Variants in RCAN2 observed in about 807,000 individuals in gnomAD.
RCAN2 encodes calcipressin-2.
In RCAN2, 9 loss-of-function variants were observed where a neutral mutation model predicts 23.6. The ratio of observed to expected loss-of-function variants is 0.38; its 90% CI spans 0.23 to 0.67. The LOEUF is 0.67. Ranked by LOEUF, RCAN2 falls within the 30% of genes least tolerant of loss-of-function variation. The pLI is 0.51. For synonymous variants in RCAN2, 109 were observed against 115.7 expected, an observed-to-expected ratio of 0.94 and a Z score of 0.37; for missense variants, 273 against 302.3, an observed-to-expected ratio of 0.90 and a Z score of 0.72.
intron 2 of RCAN2, among the ~76,000 whole-genome samples, chr6:46,439,066 A>G (rs1767453707): frequency 6.6e-6 from 1 of 152,200 alleles, no homozygotes; most frequent in African/African-American, 2.4e-5. Context: ...ATCAGAAAAC[A>G]GCCTTTAGGT....
At chr6:46,473,384 T>A (rs1768622850) in intron 1 of RCAN2, among the ~76,000 whole-genome samples, 1 of 152,140 alleles carries the variant, frequency 6.6e-6, no homozygotes, top group African/African-American at 2.4e-5. Context: ...ATACCTAGCA[T>A]ATAATAGGCA....
At chr6:46,413,877 A>G (rs1017728498) in intron 2 of RCAN2, among the ~76,000 whole-genome samples, 1 of 152,204 alleles carries the variant, frequency 6.6e-6, no homozygotes, top group African/African-American at 2.4e-5. Flanking sequence ...GGATGGAGTC[A>G]GGAATGGGAC....
intron 2 of RCAN2, among the ~76,000 whole-genome samples, chr6:46,365,989 A>C (rs1298436497): frequency 6.6e-6 from 1 of 152,190 alleles, no homozygotes; most frequent in Admixed American, 6.5e-5. Context: ...TCCCCAGTTT[A>C]TGGATGAGGA....
chr6:46,470,077 G>C (rs1011166678), intron 1 of RCAN2, among the ~76,000 whole-genome samples: 1 of 152,144 alleles, frequency 6.6e-6, no homozygotes, highest in Middle Eastern at 3.2e-3. Flanking sequence ...AATTGCCTCA[G>C]ATATTTTAAA....
intron 2 of RCAN2, among the ~76,000 whole-genome samples, chr6:46,366,257 T>C (rs1765167540): frequency 1.3e-5 from 2 of 152,226 alleles, no homozygotes; most frequent in South Asian, 2.1e-4. Flanking sequence ...CCCACTTTCA[T>C]GTACTCTGAA....
chr6:46,467,853 T>C (rs1181274294), intron 1 of RCAN2, among the ~76,000 whole-genome samples: 1 of 152,176 alleles, frequency 6.6e-6, no homozygotes, highest in Non-Finnish European at 1.5e-5. Context: ...AGTGAAAAAA[T>C]GCAAGAACAC....
At chr6:46,359,366 C>T (rs746164958) in intron 2 of RCAN2, among the ~76,000 whole-genome samples, 11 of 152,240 alleles carry the variant, frequency 7.2e-5, no homozygotes, top group Non-Finnish European at 1.3e-4. Flanking sequence ...GGCTCTAAAA[C>T]GCAAAGAAGA....
At chr6:46,358,068 G>A (rs1764895741) in intron 2 of RCAN2, among the ~76,000 whole-genome samples, 1 of 152,076 alleles carries the variant, frequency 6.6e-6, no homozygotes, top group Admixed American at 6.5e-5. Flanking sequence ...CAAATTAGAG[G>A]TACAGACGGA....
chr6:46,291,887 G>T (rs1762571695), intron 2 of RCAN2, among the ~76,000 whole-genome samples: 1 of 152,122 alleles, frequency 6.6e-6, no homozygotes, highest in South Asian at 2.1e-4. Context: ...ATTTGAGGTG[G>T]TAAATGATGT....
chr6:46,382,478 T>C (rs1381099290), intron 2 of RCAN2, among the ~76,000 whole-genome samples: 1 of 151,856 alleles, frequency 6.6e-6, no homozygotes, highest in African/African-American at 2.4e-5. Context: ...CCCAGGAAAA[T>C]GAAAACAGTT....
chr6:46,395,740 C>T (rs139193107), intron 2 of RCAN2, among the ~76,000 whole-genome samples: 3 of 152,172 alleles, frequency 2.0e-5, no homozygotes, highest in South Asian at 2.1e-4. Flanking sequence ...AGGTCATTTT[C>T]GCAATCTAGG....
intron 2 of RCAN2, among the ~76,000 whole-genome samples, chr6:46,412,027 A>G (rs1375234072): frequency 2.0e-5 from 3 of 152,226 alleles, no homozygotes; most frequent in South Asian, 2.1e-4. Flanking sequence ...GCAGTCCAAC[A>G]GTGGAAGCAG....
At chr6:46,449,943 G>A (rs1003253511) in intron 2 of RCAN2, among the ~76,000 whole-genome samples, 1 of 151,832 alleles carries the variant, frequency 6.6e-6, no homozygotes, top group Admixed American at 6.6e-5. Context: ...AAAAGCACAG[G>A]CAACAAAAGC....
At chr6:46,365,338 T>C (rs1187690911) in intron 2 of RCAN2, among the ~76,000 whole-genome samples, 1 of 151,924 alleles carries the variant, frequency 6.6e-6, no homozygotes, top group Admixed American at 6.6e-5. Context: ...TAGCTGGGCG[T>C]GGTGGTGGGC....
chr6:46,375,175 C>T (rs991228680), intron 2 of RCAN2, among the ~76,000 whole-genome samples: 1 of 152,204 alleles, frequency 6.6e-6, no homozygotes, highest in Non-Finnish European at 1.5e-5. Context: ...GAACTCCTCA[C>T]CTCAAGTGAT....
intron 2 of RCAN2, among the ~76,000 whole-genome samples, chr6:46,435,263 T>G (rs1184953061): frequency 6.6e-6 from 1 of 152,226 alleles, no homozygotes; most frequent in Non-Finnish European, 1.5e-5. Context: ...AAACATTAAG[T>G]GTAATAAAGT....
Position 46,223,260 on chromosome 6 carries a change from T to G in RCAN2, c.613A>C (p.Ser205Arg). ...ELHAGTESTP[S>R]VVVHVCDSDI... ...CTGTCGCACACGTGCACGACGACAC[T>G]TGGGGTGGACTCAGTCCCTGCATGG... Residue 205 changes from serine to arginine, a missense_variant, in exon 5 of 5, where the codon AGT (serine) becomes CGT (arginine). Transcript: ENST00000371374. 1 of 1,613,942 alleles carries G rather than the reference T, an allele frequency of 6.2e-7. No homozygotes were observed. Among genetic ancestry groups the G allele is most frequent in the Non-Finnish European group, 8.5e-7 (1 of 1,179,890 alleles).
At chr6:46,377,565 C>T (rs972451216) in intron 2 of RCAN2, among the ~76,000 whole-genome samples, 1 of 152,226 alleles carries the variant, frequency 6.6e-6, no homozygotes, top group Non-Finnish European at 1.5e-5. Context: ...CTTTTTCTGG[C>T]AGACACTGGC....
At chr6:46,380,452 C>A (rs1045563930) in intron 2 of RCAN2, among the ~76,000 whole-genome samples, 2 of 152,156 alleles carry the variant, frequency 1.3e-5, no homozygotes, top group Admixed American at 6.5e-5. Context: ...AGTTTTAGAT[C>A]AGTAGTTCTC....
Sources: allele counts gnomAD v4.1 joint callset (sites outside exome capture counted in the v4.1 genomes callset), GRCh38; gene constraint gnomAD v4.1.1; transcripts MANE v1.5; gene names NCBI Gene and HGNC (gene_info 2026-07-23, HGNC 2026-07-21).